IL17RD: variants seen among roughly 807,000 people sequenced by gnomAD.
IL17RD encodes the protein interleukin 17 receptor D.
A neutral mutation model predicts 80.5 loss-of-function variants in IL17RD; 52 were observed. The ratio of observed to expected loss-of-function variants is 0.65; its 90% confidence interval spans 0.52 to 0.81. The LOEUF is 0.81. IL17RD is among the 40% of genes least tolerant of loss of function. The pLI is 0.00. For missense variants in IL17RD, 1,024 were observed against 955.1 expected (o/e 1.07, Z -0.95); for synonymous variants, 416 against 391.8 (o/e 1.06, Z -0.73).
intron 1 of IL17RD, among the ~76,000 whole-genome samples, chr3:57,159,998 CCT>C (rs957919182): frequency 6.6e-6 from 1 of 152,098 alleles, no homozygotes; most frequent in African/African-American, 2.4e-5. Context: ...ATGGTGAAAC[CCT>C]GTCTCTACTA....
chr3:57,168,020 C>T (rs1407565536), upstream of IL17RD, among the ~76,000 whole-genome samples: 5 of 152,032 alleles, frequency 3.3e-5, no homozygotes, highest in East Asian at 1.9e-4. Flanking sequence ...TTAGTAGAGA[C>T]GTGGTTTCAC....
chr3:57,146,594 T>C (rs970938630), intron 1 of IL17RD, among the ~76,000 whole-genome samples: 2 of 151,540 alleles, frequency 1.3e-5, no homozygotes, highest in African/African-American at 4.8e-5. Flanking sequence ...CTACTAAAAA[T>C]ACAAAATTAG....
At chr3:57,100,532 A>T (rs1185292417) in intron 11 of IL17RD, among the ~76,000 whole-genome samples, 1 of 152,256 alleles carries the variant, frequency 6.6e-6, no homozygotes, top group African/African-American at 2.4e-5. Flanking sequence ...AGATCATTTC[A>T]GTGCTTGACA....
chr3:57,105,179 A>T (rs939978443), intron 7 of IL17RD, among the ~76,000 whole-genome samples: 3 of 152,086 alleles, frequency 2.0e-5, no homozygotes, highest in Non-Finnish European at 4.4e-5. Flanking sequence ...ATAGAGTGGT[A>T]TGGATTCAAG....
At chr3:57,155,654 G>A (rs534046446) in intron 1 of IL17RD, among the ~76,000 whole-genome samples, 16 of 152,150 alleles carry the variant, frequency 1.1e-4, no homozygotes, top group African/African-American at 3.9e-4. Context: ...ACAATGGCAC[G>A]ATCTTGGCTC....
chr3:57,163,367 C>G (rs1219734369), intron 1 of IL17RD, among the ~76,000 whole-genome samples: 4 of 152,062 alleles, frequency 2.6e-5, no homozygotes, highest in Non-Finnish European at 5.9e-5. Context: ...TATGAGGGTG[C>G]AGGTTTGGGA....
chr3:57,158,292 C>T (rs966727197), intron 1 of IL17RD, among the ~76,000 whole-genome samples: 1 of 152,210 alleles, frequency 6.6e-6, no homozygotes, highest in Non-Finnish European at 1.5e-5. Context: ...ATTTACTAAG[C>T]TTCCAATAAT....
At chr3:57,165,402 G>C (rs1318744784), upstream of IL17RD, 3 of 869,910 alleles carry the variant, frequency 3.4e-6, no homozygotes, top group South Asian at 1.7e-4. Flanking sequence ...ACCGCACTGG[G>C]CATGCGTTGC....
chr3:57,104,255 G>A, intron 8 of IL17RD, 87 bp downstream of exon 8: 1 of 912,972 alleles, frequency 1.1e-6, no homozygotes, highest in Non-Finnish European at 1.7e-6. Flanking sequence ...TCAATAGCTT[G>A]AAATTTTAGT....
intron 1 of IL17RD, among the ~76,000 whole-genome samples, chr3:57,157,841 T>C (rs552428168): frequency 6.6e-6 from 1 of 152,070 alleles, no homozygotes; most frequent in African/African-American, 2.4e-5. Flanking sequence ...CCATTAACCC[T>C]CCCACTCTCG....
rs1215806164 is a variant in IL17RD at position 57,098,244 on chromosome 3, C to A, written c.1459G>T (p.Asp487Tyr). 1.2e-6 allele frequency: 2 copies of A among 1,613,942 alleles called. No homozygotes were observed. Among genetic ancestry groups the A allele is most frequent in the South Asian group, 2.2e-5 (2 of 91,068 alleles). ...CTCAGGTCTAGGATACCGGGGACGT[C>A]TCCCTCGCAGGAATAATCAAAGTAG... Reference protein sequence around the residue: ...AVYFDYSCEGDVPGILDLSTK... With the variant: ...AVYFDYSCEGYVPGILDLSTK... The change falls in exon 12 of 13, where the codon GAC (aspartate) becomes TAC (tyrosine). Residue 487 changes from aspartate to tyrosine, a missense_variant. Transcript: ENST00000296318.
intron 1 of IL17RD, among the ~76,000 whole-genome samples, chr3:57,144,315 G>A (rs1269932588): frequency 2.0e-5 from 3 of 152,060 alleles, no homozygotes; most frequent in Non-Finnish European, 2.9e-5. Context: ...TTCCCTAGCC[G>A]CTCACCATCT....
At chr3:57,114,869 T>C in intron 2 of IL17RD, 52 bp from the exon 3 acceptor site, 1 of 1,429,606 alleles carries the variant, frequency 7.0e-7, no homozygotes, top group Non-Finnish European at 9.4e-7. Context: ...CATTTTTATT[T>C]TCAGGTTCAT....
intron 1 of IL17RD, among the ~76,000 whole-genome samples, chr3:57,144,843 T>C (rs1707894839): frequency 6.6e-6 from 1 of 152,226 alleles, no homozygotes; most frequent in Non-Finnish European, 1.5e-5. Context: ...CAACCAGAGC[T>C]GCTGCACTCT....
intron 3 of IL17RD, 130 bp from the exon 4 acceptor site, chr3:57,110,441 T>C (rs1707072387): frequency 9.9e-7 from 1 of 1,009,008 alleles, no homozygotes; most frequent in African/African-American, 1.6e-5. Flanking sequence ...GGCCAGGGTA[T>C]CTGAGTCTAT....
At chr3:57,164,886 A>T in intron 1 of IL17RD, 1 of 1,199,734 alleles carries the variant, frequency 8.3e-7, no homozygotes, top group Non-Finnish European at 1.0e-6. Context: ...GCCGCCCCTC[A>T]CGCCCGCCCT....
At chr3:57,140,761 A>G (rs111896795) in intron 1 of IL17RD, among the ~76,000 whole-genome samples, 3 of 152,272 alleles carry the variant, frequency 2.0e-5, no homozygotes, top group African/African-American at 7.2e-5. Flanking sequence ...CACCTCTAGA[A>G]TTTATTTCCA....
chr3:57,118,940 T>C (rs1707273516), intron 2 of IL17RD, among the ~76,000 whole-genome samples: 1 of 152,158 alleles, frequency 6.6e-6, no homozygotes, highest in South Asian at 2.1e-4. Flanking sequence ...GCACAGTGGC[T>C]CACACCTGTA....
At chr3:57,169,021 A>G (rs1330070379), upstream of IL17RD, among the ~76,000 whole-genome samples, 1 of 152,194 alleles carries the variant, frequency 6.6e-6, no homozygotes, top group African/African-American at 2.4e-5. Flanking sequence ...CCCAGTCTCC[A>G]TCTCCTCTTT....
Sources: allele counts gnomAD v4.1 joint callset (sites outside exome capture counted in the v4.1 genomes callset), GRCh38; gene constraint gnomAD v4.1.1; transcripts MANE v1.5; gene names NCBI Gene and HGNC (gene_info 2026-07-23, HGNC 2026-07-21).